Variants in ADAM32 observed in about 807,000 individuals in gnomAD.
The protein encoded by ADAM32 is disintegrin and metalloproteinase domain-containing protein 32.
A neutral mutation model predicts 114.9 loss-of-function variants in ADAM32; 89 were observed. The observed-to-expected ratio is 0.77, with a 90% CI of 0.65 to 0.92. The LOEUF is 0.92. ADAM32 is among the 40% of genes least tolerant of loss of function. The pLI is 0.00. For missense variants in ADAM32, 870 were observed against 932.8 expected (o/e 0.93, Z 0.88); for synonymous variants, 285 against 307.5 (o/e 0.93, Z 0.77).
chr8:39,132,049 A>G, intron 2 of ADAM32: 2 of 253,348 alleles, frequency 7.9e-6, no homozygotes, highest in South Asian at 3.2e-5. Context: ...ATGCACCACC[A>G]CGCCTGGCTA....
chr8:39,226,832 G>A (rs548039270), intron 14 of ADAM32, among the ~76,000 whole-genome samples: 8 of 151,990 alleles, frequency 5.3e-5, no homozygotes, highest in Non-Finnish European at 7.4e-5. Context: ...AAAATATAAC[G>A]TTCACTGGTA....
chr8:39,252,596 T>C (rs1811374668), intron 17 of ADAM32, among the ~76,000 whole-genome samples: 1 of 150,820 alleles, frequency 6.6e-6, no homozygotes, highest in Admixed American at 6.6e-5. Context: ...ACAAATAAGA[T>C]AGAGAATAGA....
At chr8:39,189,877 A>G (rs997876003) in intron 11 of ADAM32, among the ~76,000 whole-genome samples, 2 of 151,916 alleles carry the variant, frequency 1.3e-5, no homozygotes, top group Non-Finnish European at 2.9e-5. Context: ...GGCTCACTGC[A>G]AGCTTCGGCT....
At chr8:39,225,904 A>G (rs1809333600) in intron 14 of ADAM32, among the ~76,000 whole-genome samples, 2 of 152,220 alleles carry the variant, frequency 1.3e-5, no homozygotes, top group Non-Finnish European at 2.9e-5. Context: ...GGGGAAACTT[A>G]TCACCATTAA....
intron 19 of ADAM32, among the ~76,000 whole-genome samples, chr8:39,266,346 T>C (rs1203087819): frequency 6.6e-6 from 1 of 152,208 alleles, no homozygotes; most frequent in Non-Finnish European, 1.5e-5. Flanking sequence ...TGCTCTGATA[T>C]TTTGTTCATT....
At chr8:39,246,194 A>C in intron 17 of ADAM32, 28 bp downstream of exon 17, 1 of 1,594,352 alleles carries the variant, frequency 6.3e-7, no homozygotes, top group African/African-American at 1.3e-5. Context: ...TCCCTGAATC[A>C]CATTTCTTGG....
At chr8:39,214,309 G>A (rs1746758669) in intron 12 of ADAM32, among the ~76,000 whole-genome samples, 1 of 152,122 alleles carries the variant, frequency 6.6e-6, no homozygotes, top group African/African-American at 2.4e-5. Context: ...CACCAACAGT[G>A]TACAAGTATT....
At chr8:39,147,029 C>G (rs939322270) in intron 3 of ADAM32, 101 bp from the exon 4 acceptor site, 4 of 436,312 alleles carry the variant, frequency 9.2e-6, no homozygotes, top group African/African-American at 6.1e-5. Context: ...ATTTACAAAA[C>G]AGAGGGTGGG....
rs542286585 is a variant in ADAM32, at chr8:39,165,073, A to C, written c.710A>C (p.Glu237Ala). The change falls in exon 9 of 25, where the codon GAG (glutamate) becomes GCG (alanine). Residue 237 changes from glutamate to alanine, a missense_variant. Transcript: ENST00000379907. ...FKVTIVLSSLELWSDENKIST... is the reference protein window; with the variant it reads ...FKVTIVLSSLALWSDENKIST... ...GTTACTATTGTGCTGTCATCATTGG[A>C]GTTATGGTCAGATGAAAATAAGATT... The C allele has an allele frequency of 8.1e-6, 13 of 1,608,764 alleles. No homozygotes were observed. In the Admixed American group the frequency reaches 1.2e-4, roughly 15 times the overall value.
At chr8:39,109,260 G>A (rs1259369852) in intron 1 of ADAM32, among the ~76,000 whole-genome samples, 3 of 152,150 alleles carry the variant, frequency 2.0e-5, no homozygotes, top group Admixed American at 6.5e-5. Flanking sequence ...TAAAAGTAAC[G>A]GCCAGGCGTG....
At chr8:39,180,230 C>G (rs2129446853) in intron 10 of ADAM32, among the ~76,000 whole-genome samples, 1 of 152,342 alleles carries the variant, frequency 6.6e-6, no homozygotes, top group African/African-American at 2.4e-5. Context: ...GCCCTGCCGA[C>G]CCCAGGCAGT....
At position 39,170,035 on chromosome 8, in the gene ADAM32, G is replaced by T. The variant is rs777074922; in HGVS notation, c.915+38G>T. The T allele has an allele frequency of 2.9e-6, 4 of 1,394,260 alleles. No homozygotes were observed. In the African/African-American group the frequency reaches 5.7e-5, roughly 20 times the overall value. 86.4% of individuals were successfully genotyped at this position (1,394,260 alleles called of 1,614,324 possible). On this transcript the variant is annotated intron_variant, in intron 10 of 24. Coordinates refer to ENST00000379907, the MANE Select transcript of ADAM32 (RefSeq NM_145004.7). Reference sequence around the variant, plus strand: ...TTAATCTTATTTTTTAAATTAACACGTTTAAAAATTATTTGACATGATAGT... The same window carrying T: ...TTAATCTTATTTTTTAAATTAACACTTTTAAAAATTATTTGACATGATAGT...
At chr8:39,189,950 A>G (rs1806499226) in intron 11 of ADAM32, among the ~76,000 whole-genome samples, 1 of 151,948 alleles carries the variant, frequency 6.6e-6, no homozygotes, top group South Asian at 2.1e-4. Context: ...GAGCAGCTGG[A>G]ACTATAGGCG....
intron 1 of ADAM32, among the ~76,000 whole-genome samples, chr8:39,111,213 G>GT (rs1840143492): frequency 6.6e-6 from 1 of 152,120 alleles, no homozygotes; most frequent in Non-Finnish European, 1.5e-5. Flanking sequence ...TCATGTACCA[G>GT]TTTTTGTGTG....
intron 12 of ADAM32, among the ~76,000 whole-genome samples, chr8:39,218,350 T>G (rs1808729628): frequency 1.3e-5 from 2 of 152,088 alleles, no homozygotes; most frequent in Non-Finnish European, 2.9e-5. Flanking sequence ...ACGCAAGGCT[T>G]GCTGAAACCA....
At chr8:39,206,575 G>A (rs1474921943) in intron 11 of ADAM32, among the ~76,000 whole-genome samples, 2 of 152,240 alleles carry the variant, frequency 1.3e-5, no homozygotes, top group South Asian at 4.1e-4. Flanking sequence ...GTTGCTGTCA[G>A]TTGCAGCAGA....
intron 16 of ADAM32, among the ~76,000 whole-genome samples, chr8:39,234,344 T>C (rs1276564637): frequency 3.3e-5 from 5 of 149,558 alleles, no homozygotes; most frequent in African/African-American, 1.2e-4. Context: ...GAGAGAGTCT[T>C]GGGAATATAT....
chr8:39,215,269 G>A (rs116783883), intron 12 of ADAM32, among the ~76,000 whole-genome samples: 4,179 of 151,992 alleles, frequency 0.027, 215 homozygotes, highest in African/African-American at 0.095. Flanking sequence ...TCTTTGGGTA[G>A]TGTGGCTATT....
chr8:39,132,265 C>A (rs561647196), intron 2 of ADAM32, among the ~76,000 whole-genome samples: 1 of 152,186 alleles, frequency 6.6e-6, no homozygotes, highest in African/African-American at 2.4e-5. Context: ...ATTTCTAGAT[C>A]ATTTGCATCA....
Sources: allele counts gnomAD v4.1 joint callset (sites outside exome capture counted in the v4.1 genomes callset), GRCh38; gene constraint gnomAD v4.1.1; transcripts MANE v1.5; gene names NCBI Gene and HGNC (gene_info 2026-07-23, HGNC 2026-07-21).